Variants in STAB2 observed in about 807,000 individuals in gnomAD.
STAB2 encodes stabilin 2.
Under a neutral mutation model 338.1 loss-of-function variants are expected in STAB2, and 288 were observed. The observed-to-expected ratio is 0.85, with a 90% CI of 0.77 to 0.94. STAB2 has a LOEUF of 0.94. Ranked by LOEUF, STAB2 falls within the 40% of genes least tolerant of loss-of-function variation. The pLI is 0.00. For synonymous variants in STAB2, 1,202 were observed against 1,193.3 expected, an observed-to-expected ratio of 1.01 and a Z score of -0.15; for missense variants, 3,141 against 3,210.1, an observed-to-expected ratio of 0.98 and a Z score of 0.52.
At chr12:103,658,311 C>T (rs1874342575) in intron 15 of STAB2, among the ~76,000 whole-genome samples, 1 of 152,066 alleles carries the variant, frequency 6.6e-6, no homozygotes, top group Non-Finnish European at 1.5e-5. Context: ...TGTGTCGCAC[C>T]AAAAGGCTCT....
chr12:103,746,370 A>T, intron 57 of STAB2: 2 of 405,972 alleles, frequency 4.9e-6, no homozygotes, highest in Non-Finnish European at 9.0e-6. Context: ...TTCTCATATA[A>T]ATCTCAATGA....
intron 23 of STAB2, among the ~76,000 whole-genome samples, chr12:103,674,607 T>C (rs551441597): frequency 1.3e-5 from 2 of 152,354 alleles, no homozygotes; most frequent in Non-Finnish European, 2.9e-5. Context: ...ATTGGGTCTT[T>C]AATCAGTAGG....
intron 3 of STAB2, among the ~76,000 whole-genome samples, chr12:103,596,144 G>A (rs1157600092): frequency 6.6e-6 from 1 of 152,156 alleles, no homozygotes; most frequent in South Asian, 2.1e-4. Context: ...CCGACTTCCA[G>A]ATTTTAAGAA....
At chr12:103,607,370 G>T (rs1438875348) in intron 3 of STAB2, among the ~76,000 whole-genome samples, 2 of 137,280 alleles carry the variant, frequency 1.5e-5, no homozygotes, top group East Asian at 2.3e-4. Context: ...CTTCATTTTG[G>T]TTTTTTGTTC....
intron 4 of STAB2, 96 bp downstream of exon 4, chr12:103,620,649 A>G: frequency 6.1e-6 from 6 of 982,094 alleles, no homozygotes; most frequent in Non-Finnish European, 9.3e-6. Flanking sequence ...ACACACACAC[A>G]CACACGTGCA....
intron 3 of STAB2, among the ~76,000 whole-genome samples, chr12:103,595,054 A>G (rs1956855376): frequency 6.6e-6 from 1 of 152,180 alleles, no homozygotes. Context: ...ACCAGGTTTT[A>G]CTGTAAGCAA....
intron 9 of STAB2, among the ~76,000 whole-genome samples, chr12:103,640,702 A>T (rs1276653132): frequency 6.6e-6 from 1 of 152,210 alleles, no homozygotes; most frequent in Non-Finnish European, 1.5e-5. Context: ...TTTCAAAAGA[A>T]GGGGTTTACT....
rs78126916 is a variant in STAB2, at chr12:103,678,703, T to G, written c.2805+1092T>G. 4.0e-3 allele frequency among the ~76,000 whole-genome samples: 609 copies of G among 152,234 alleles called. 13 individuals are homozygous for G. The highest frequency in any genetic ancestry group is 0.014 in the African/African-American group (587 of 41,542). On this transcript the variant is annotated intron_variant, in intron 25 of 68. Coordinates refer to ENST00000388887, the MANE Select transcript of STAB2 (RefSeq NM_017564.10). ...CACCACGCCTGGCTAATTTTGTTTT[T>G]GTATTTTTAGTAGAGACAGGGTTTT...
At chr12:103,763,647 G>A in intron 68 of STAB2, 39 bp downstream of exon 68, 1 of 1,541,834 alleles carries the variant, frequency 6.5e-7, no homozygotes, top group Non-Finnish European at 8.9e-7. Context: ...GTTCCCTTGG[G>A]GTACAGGGGA....
Position 103,689,930 on chromosome 12 carries a change from C to A in STAB2, c.3130C>A (p.Gln1044Lys), listed in dbSNP as rs76921016. The stretch of plus-strand genomic sequence containing the variant: ...CCAACAAGCTACTGAGGACATGGAC[C>A]AGGATGAGAAAAGCTTCTGGTTGTC... Reference protein sequence around the residue: ...PSQQATEDMDQDEKSFWLSQS... With the variant: ...PSQQATEDMDKDEKSFWLSQS... The change falls in exon 29 of 69, where the codon CAG (glutamine) becomes AAG (lysine). Residue 1044 changes from glutamine (Q) to lysine (K), a missense_variant. By Grantham distance (53) the Gln-to-Lys change is moderately conservative. Transcript: ENST00000388887. The A allele has an allele frequency of 6.2e-7, 1 of 1,614,142 alleles. No homozygotes were observed. Among genetic ancestry groups the A allele is most frequent in the Middle Eastern group, 1.6e-4 (1 of 6,062 alleles).
intron 2 of STAB2, among the ~76,000 whole-genome samples, chr12:103,593,818 C>G (rs1956835389): frequency 6.6e-6 from 1 of 152,220 alleles, no homozygotes; most frequent in South Asian, 2.1e-4. Flanking sequence ...AGTGTTTAAC[C>G]TCCATAGAAT....
chr12:103,662,485 A>G (rs1022121337), intron 17 of STAB2, among the ~76,000 whole-genome samples: 1 of 152,244 alleles, frequency 6.6e-6, no homozygotes, highest in Admixed American at 6.5e-5. Flanking sequence ...AAGTGAGGTC[A>G]ATAAATGTAT....
chr12:103,638,153 A>G lies in STAB2; in HGVS notation c.847A>G (p.Ile283Val), dbSNP rs749553976. ...GTGCTTGCCTGTGGACCCCTGCCAAATTAACTTTGGAAACTGCCCTACAAA... is the reference window on the plus strand; with the variant it reads ...GTGCTTGCCTGTGGACCCCTGCCAAGTTAACTTTGGAAACTGCCCTACAAA... ...QVCLPVDPCQ[I>V]NFGNCPTKST... The change falls in exon 8 of 69, where the codon ATT becomes GTT. Residue 283 changes from isoleucine (I) to valine (V), a missense_variant. Coordinates refer to ENST00000388887, the MANE Select transcript of STAB2 (RefSeq NM_017564.10). 4.3e-6 allele frequency: 7 copies of G among 1,614,198 alleles called. No homozygotes were observed. In the East Asian group the frequency reaches 1.3e-4, roughly 31 times the overall value.
In STAB2 at chr12:103,648,824, G is replaced by A; in HGVS notation, c.1174+1G>A. The A allele has an allele frequency of 1.2e-6, 2 of 1,613,588 alleles. No homozygotes were observed. Among genetic ancestry groups the A allele is most frequent in the Non-Finnish European group, 1.7e-6 (2 of 1,179,746 alleles). ...CTGACCTCTTTCATCTCACTCCTAGGTACGCAGCTATGGGTACAGATTTCC... is the reference window on the plus strand; with the variant it reads ...CTGACCTCTTTCATCTCACTCCTAGATACGCAGCTATGGGTACAGATTTCC... On this transcript the variant is annotated splice_donor_variant, in intron 10 of 68. Transcript: ENST00000388887. LOFTEE classifies it high-confidence loss of function.
chr12:103,739,740 T>A (rs1358849317), intron 54 of STAB2, among the ~76,000 whole-genome samples: 5 of 152,188 alleles, frequency 3.3e-5, no homozygotes, highest in African/African-American at 4.8e-5. Context: ...AAGATAATTA[T>A]GATTATAAAA....
rs572658781 is a variant in STAB2 at position 103,672,462 on chromosome 12, G to A, written c.2372-1445G>A. ...GTGCACAGTCTCATACAGGGGTCTC[G>A]TACCTTGCAAATTAAATGCTGACTT... On this transcript the variant is annotated intron_variant, in intron 22 of 68. Transcript: ENST00000388887. Among the ~76,000 whole-genome samples, 87 of 152,224 alleles carry A rather than the reference G, an allele frequency of 5.7e-4. No individual in the cohort carries two copies. The South Asian group carries it at 0.01, about 18-fold the overall frequency.
intron 28 of STAB2, among the ~76,000 whole-genome samples, chr12:103,689,222 C>G (rs1191415182): frequency 6.6e-6 from 1 of 152,156 alleles, no homozygotes; most frequent in African/African-American, 2.4e-5. Flanking sequence ...GTGGCTCATG[C>G]CTGTAATCCC....
intron 3 of STAB2, among the ~76,000 whole-genome samples, chr12:103,604,683 A>G (rs569628902): frequency 2.1e-4 from 32 of 151,996 alleles, no homozygotes; most frequent in African/African-American, 5.3e-4. Flanking sequence ...TTTAATGTCT[A>G]CAAGATTTGT....
chr12:103,636,414 T>C (rs1426502605), intron 6 of STAB2, among the ~76,000 whole-genome samples: 1 of 151,784 alleles, frequency 6.6e-6, no homozygotes, highest in African/African-American at 2.4e-5. Context: ...AATAATTATG[T>C]GGTTTCTGTC....
Sources: allele counts gnomAD v4.1 joint callset (sites outside exome capture counted in the v4.1 genomes callset), GRCh38; gene constraint gnomAD v4.1.1; transcripts MANE v1.5; gene names NCBI Gene and HGNC (gene_info 2026-07-23, HGNC 2026-07-21).